Variants in CNBD1 observed in about 807,000 individuals in gnomAD.
The protein encoded by CNBD1 is cyclic nucleotide binding domain containing 1.
In CNBD1, 71 loss-of-function variants were observed where a neutral mutation model predicts 54.4. The observed-to-expected ratio is 1.30, with a 90% CI of 1.08 to 1.59. The LOEUF is 1.59. Among genes scored for constraint, CNBD1 ranks in the 40% most tolerant of loss-of-function variants. CNBD1 has a pLI of 0.00. For missense variants in CNBD1, 659 were observed against 518.0 expected, an observed-to-expected ratio of 1.27 and a Z score of -2.64; for synonymous variants, 182 against 170.7, an observed-to-expected ratio of 1.07 and a Z score of -0.51.
rs1586048512 is a variant in CNBD1 at position 87,364,220 on chromosome 8, A to C, written c.1303+10434A>C. 2.6e-5 allele frequency among the ~76,000 whole-genome samples: 4 copies of C among 151,388 alleles called. 1 individual carries two copies. Among genetic ancestry groups the C allele is most frequent in the Admixed American group, 2.6e-4 (4 of 15,172 alleles). On this transcript the variant is annotated intron_variant, in intron 10 of 10. Transcript: ENST00000518476. ...ATATTGTATATCACATATATTTATA[A>C]GTATCTATATATATGTATATATATT...
At chr8:87,049,389 T>C (rs1810268232) in intron 4 of CNBD1, among the ~76,000 whole-genome samples, 1 of 152,200 alleles carries the variant, frequency 6.6e-6, no homozygotes, top group Admixed American at 6.5e-5. Context: ...AGAATCAGTA[T>C]AAATGTTAAC....
chr8:87,146,738 C>A (rs1812498536), intron 4 of CNBD1, among the ~76,000 whole-genome samples: 1 of 152,092 alleles, frequency 6.6e-6, no homozygotes. Context: ...TGTCTTGAAT[C>A]TTTTAATTTT....
chr8:87,351,087 T>C (rs934166821), intron 8 of CNBD1, among the ~76,000 whole-genome samples: 1 of 152,162 alleles, frequency 6.6e-6, no homozygotes, highest in Non-Finnish European at 1.5e-5. Context: ...AAGTAAGGAC[T>C]CCTAATTAAT....
intron 8 of CNBD1, among the ~76,000 whole-genome samples, chr8:87,313,670 A>C (rs777517432): frequency 3.3e-5 from 5 of 151,882 alleles, no homozygotes; most frequent in Non-Finnish European, 1.5e-5. Flanking sequence ...GATCTGATAC[A>C]TTACACTGTG....
chr8:86,981,249 C>G (rs889210978), intron 4 of CNBD1, among the ~76,000 whole-genome samples: 3 of 152,204 alleles, frequency 2.0e-5, no homozygotes, highest in Non-Finnish European at 4.4e-5. Context: ...TTCCAAGTTA[C>G]ATGGGTTTTA....
intron 2 of CNBD1, among the ~76,000 whole-genome samples, chr8:87,394,502 C>G (rs933421056): frequency 6.6e-6 from 1 of 151,912 alleles, no homozygotes; most frequent in African/African-American, 2.4e-5. Context: ...ACACCACACA[C>G]AACCCTGCCC....
At chr8:87,155,288 A>G (rs1261391575) in intron 4 of CNBD1, among the ~76,000 whole-genome samples, 1 of 152,138 alleles carries the variant, frequency 6.6e-6, no homozygotes, top group Non-Finnish European at 1.5e-5. Context: ...TTTTGTCTTT[A>G]TCCTGTAGAT....
rs1271392326 is a variant in CNBD1, at chr8:87,325,351, G to A, written c.1043-26334G>A. Among the ~76,000 whole-genome samples, 4 of 91,660 alleles carry A rather than the reference G, an allele frequency of 4.4e-5. 1 individual carries two copies. Among genetic ancestry groups the A allele is most frequent in the Non-Finnish European group, 8.4e-5 (4 of 47,400 alleles). The allele number at this position is 91,660 out of a possible 152,430, so 60.1% of individuals were successfully genotyped here. ...GTACAGAGCTGAGTTCAATTCCTGG[G>A]TATCCTTGTTGACTTTCTGTCTCGT... On this transcript the variant is annotated intron_variant, in intron 8 of 10. Coordinates refer to ENST00000518476, the MANE Select transcript of CNBD1 (RefSeq NM_173538.3).
At chr8:87,216,114 A>G (rs1814206492) in intron 5 of CNBD1, among the ~76,000 whole-genome samples, 3 of 152,150 alleles carry the variant, frequency 2.0e-5, no homozygotes, top group Admixed American at 2.0e-4. Flanking sequence ...ATATCCTCTT[A>G]TGTAAGCTAT....
At chr8:86,981,008 G>A (rs1296295502) in intron 4 of CNBD1, among the ~76,000 whole-genome samples, 1 of 152,168 alleles carries the variant, frequency 6.6e-6, no homozygotes, top group Non-Finnish European at 1.5e-5. Flanking sequence ...GTGTACAAGA[G>A]GGGTGTGGTT....
intron 8 of CNBD1, among the ~76,000 whole-genome samples, chr8:87,320,358 T>C (rs1438309429): frequency 1.3e-5 from 2 of 152,068 alleles, no homozygotes; most frequent in Admixed American, 6.6e-5. Context: ...TAAGATACAG[T>C]TTTTAAGCTT....
intron 4 of CNBD1, among the ~76,000 whole-genome samples, chr8:87,129,135 T>A (rs1812065602): frequency 6.7e-6 from 1 of 148,650 alleles, no homozygotes; most frequent in Admixed American, 6.9e-5. Flanking sequence ...TAATTTTCTT[T>A]TTTGGTAATA....
intron 4 of CNBD1, among the ~76,000 whole-genome samples, chr8:87,028,342 G>T (rs1312107045): frequency 6.6e-6 from 1 of 152,146 alleles, no homozygotes; most frequent in Non-Finnish European, 1.5e-5. Context: ...CCAAAATTGG[G>T]CAAGCAGCTA....
intron 4 of CNBD1, among the ~76,000 whole-genome samples, chr8:87,081,178 C>T (rs1810982545): frequency 6.6e-6 from 1 of 151,952 alleles, no homozygotes; most frequent in Non-Finnish European, 1.5e-5. Flanking sequence ...TTAGCTTCAT[C>T]CTATTGTTTT....
rs562523466 is a variant in CNBD1 at position 87,061,664 on chromosome 8, A to G, written c.431+121910A>G. Among the ~76,000 whole-genome samples the G allele has an allele frequency of 2.6e-5, 4 of 152,288 alleles. No individual in the cohort carries two copies. The South Asian group carries it at 6.2e-4, about 24-fold the overall frequency. ...TGTAGGGTAAGCTGATGACATTTCA[A>G]ATAGCCTAATTTGTCTTTGTATACT... On this transcript the variant is annotated intron_variant, in intron 4 of 10. Coordinates refer to ENST00000518476, the MANE Select transcript of CNBD1 (RefSeq NM_173538.3).
chr8:87,252,813 G>T (rs72665074), intron 6 of CNBD1, among the ~76,000 whole-genome samples: 23 of 152,220 alleles, frequency 1.5e-4, no homozygotes, highest in Non-Finnish European at 2.6e-4. Flanking sequence ...TACAGGGACA[G>T]ATGCTACAGG....
chr8:87,215,471 C>G (rs1814189327), intron 5 of CNBD1, among the ~76,000 whole-genome samples: 2 of 151,708 alleles, frequency 1.3e-5, no homozygotes, highest in Non-Finnish European at 2.9e-5. Flanking sequence ...GCCTGTAGTC[C>G]CAGCTACTCC....
At chr8:87,273,906 A>G (rs7814753) in intron 6 of CNBD1, among the ~76,000 whole-genome samples, 7 of 146,314 alleles carry the variant, frequency 4.8e-5, no homozygotes, top group Non-Finnish European at 9.0e-5. Context: ...ATATCTCCCA[A>G]TGCTATCCCT....
At chr8:87,348,417 G>A (rs528653302) in intron 8 of CNBD1, among the ~76,000 whole-genome samples, 2 of 152,212 alleles carry the variant, frequency 1.3e-5, no homozygotes, top group Admixed American at 6.5e-5. Context: ...CATTTTTAAA[G>A]CAAACTATAT....
Sources: gnomAD v4.1 joint callset for allele counts (sites outside exome capture counted in the v4.1 genomes callset) on GRCh38, gnomAD v4.1.1 for gene constraint, MANE v1.5 for transcripts, NCBI Gene and HGNC (gene_info 2026-07-23, HGNC 2026-07-21) for gene names.